The following NETO1 variants were observed in gnomAD, a reference collection of about 807,000 sequenced individuals.
NETO1 encodes neuropilin and tolloid like 1.
A neutral mutation model predicts 61.3 loss-of-function variants in NETO1; 26 were observed. That is an observed-to-expected ratio of 0.42 (90% CI 0.31 to 0.59). The LOEUF (loss-of-function observed/expected upper bound fraction) is 0.59, where lower values mean the gene tolerates loss of function less well. NETO1 is among the 20% of genes least tolerant of loss of function. The pLI is 0.12. For synonymous variants in NETO1, 225 were observed against 225.8 expected, an observed-to-expected ratio of 1.00 and a Z score of 0.03; for missense variants, 531 against 662.8, an observed-to-expected ratio of 0.80 and a Z score of 2.18.
intron 4 of NETO1, among the ~76,000 whole-genome samples, chr18:72,826,521 T>C (rs1451702753): frequency 7.2e-6 from 1 of 139,110 alleles, no homozygotes; most frequent in African/African-American, 2.7e-5. Context: ...GTGTTTTTCT[T>C]ATACCACTTT....
chr18:72,787,257 A>G (rs1443842204), intron 6 of NETO1, among the ~76,000 whole-genome samples: 1 of 151,582 alleles, frequency 6.6e-6, no homozygotes, highest in Non-Finnish European at 1.5e-5. Flanking sequence ...AGATGCAATT[A>G]TAATTGGAAG....
chr18:72,831,479 CT>C (rs1361076136), intron 4 of NETO1, among the ~76,000 whole-genome samples: 4 of 152,146 alleles, frequency 2.6e-5, no homozygotes, highest in African/African-American at 9.7e-5. Flanking sequence ...ATTTTAACAT[CT>C]CTGTAATTCT....
At chr18:72,816,621 T>C (rs1331356990) in intron 4 of NETO1, among the ~76,000 whole-genome samples, 1 of 152,136 alleles carries the variant, frequency 6.6e-6, no homozygotes, top group Non-Finnish European at 1.5e-5. Flanking sequence ...GCAAGGAGAA[T>C]TTCCTGCTGC....
chr18:72,859,183 G>T (rs975934502), intron 3 of NETO1, 109 bp from the exon 4 acceptor site: 4 of 1,043,706 alleles, frequency 3.8e-6, no homozygotes, highest in South Asian at 1.9e-5. Context: ...AAACTTTATG[G>T]ATGATATGCA....
At chr18:72,844,022 C>T (rs1568252237) in intron 4 of NETO1, among the ~76,000 whole-genome samples, 1 of 152,326 alleles carries the variant, frequency 6.6e-6, no homozygotes, top group South Asian at 2.1e-4. Context: ...GGTCACTATT[C>T]TCTGTTTCAG....
chr18:72,810,234 A>G (rs1428833284), intron 4 of NETO1, among the ~76,000 whole-genome samples: 8 of 152,138 alleles, frequency 5.3e-5, no homozygotes, highest in Non-Finnish European at 1.0e-4. Context: ...CTTTGTACTT[A>G]TTTTCCCAAT....
intron 3 of NETO1, among the ~76,000 whole-genome samples, chr18:72,861,413 C>T (rs2074569126): frequency 1.3e-5 from 2 of 151,954 alleles, no homozygotes; most frequent in South Asian, 2.1e-4. Flanking sequence ...CTATTTGAAG[C>T]TCTCTAACTC....
At chr18:72,804,194 C>G (rs1000208150) in intron 4 of NETO1, among the ~76,000 whole-genome samples, 7 of 151,984 alleles carry the variant, frequency 4.6e-5, no homozygotes, top group Non-Finnish European at 8.8e-5. Context: ...AGCCAATAAG[C>G]CAAGCATTTT....
chr18:72,807,142 A>AT (rs1479242200), intron 4 of NETO1, among the ~76,000 whole-genome samples: 3 of 152,192 alleles, frequency 2.0e-5, no homozygotes, highest in Admixed American at 6.5e-5. Context: ...TATAAAATTC[A>AT]TATCACCATG....
intron 7 of NETO1, among the ~76,000 whole-genome samples, chr18:72,775,848 A>G (rs1443299686): frequency 6.6e-6 from 1 of 151,758 alleles, no homozygotes; most frequent in African/African-American, 2.4e-5. Context: ...ACTTCAATGA[A>G]CCCTTTTTTT....
At position 72,750,369 on chromosome 18, in the gene NETO1, C is replaced by G; in HGVS notation, c.1234G>C (p.Asp412His). 6.2e-7 allele frequency: 1 copy of G among 1,614,116 alleles called. No individual in the cohort carries two copies. Among genetic ancestry groups the G allele is most frequent in the Non-Finnish European group, 8.5e-7 (1 of 1,180,024 alleles). The change falls in exon 9 of 11, where the codon GAT becomes CAT. Residue 412 changes from aspartate (D) to histidine (H), a missense_variant. Transcript: ENST00000327305. ...GATADFADVA[D>H]DFENYHKLRR... Reference sequence around the variant, plus strand: ...AGTTTATGGTAATTTTCAAAGTCATCTGCCACATCTGCAAAGTCAGCTGTA... The same window carrying G: ...AGTTTATGGTAATTTTCAAAGTCATGTGCCACATCTGCAAAGTCAGCTGTA...
At position 72,847,927 on chromosome 18, in the gene NETO1, A is replaced by C. The variant is rs116433184; in HGVS notation, c.469+10899T>G. On this transcript the variant is annotated intron_variant, in intron 4 of 10. Transcript: ENST00000327305. Reference sequence around the variant, plus strand: ...AGCTGTGTTCCTTACTACAGGCCCTAGGGGAGAATGTTTCCATTGCCTTTT... The same window carrying C: ...AGCTGTGTTCCTTACTACAGGCCCTCGGGGAGAATGTTTCCATTGCCTTTT... 8.2e-3 allele frequency among the ~76,000 whole-genome samples: 1,242 copies of C among 152,322 alleles called. 23 individuals are homozygous for C. Among genetic ancestry groups the C allele is most frequent in the African/African-American group, 0.029 (1,201 of 41,566 alleles).
At chr18:72,783,569 A>T in intron 7 of NETO1, 109 bp downstream of exon 7, 1 of 848,506 alleles carries the variant, frequency 1.2e-6, no homozygotes, top group Admixed American at 2.2e-5. Context: ...AACATATTAG[A>T]GAATAGCCTG....
chr18:72,773,663 A>G lies in NETO1; in HGVS notation c.868+10015T>C, dbSNP rs563319935. ...TTTATAGGCGTCTCACAATTATTCT[A>G]CTGGCATGCATTCTCTCTCCTGCTG... On this transcript the variant is annotated intron_variant, in intron 7 of 10. Transcript: ENST00000327305. Among the ~76,000 whole-genome samples, 141 of 152,154 alleles carry G rather than the reference A, an allele frequency of 9.3e-4. 2 individuals carry two copies. Among genetic ancestry groups the G allele is most frequent in the Admixed American group, 3.9e-3 (59 of 15,278 alleles).
chr18:72,852,750 G>A (rs1447024973), intron 4 of NETO1, among the ~76,000 whole-genome samples: 1 of 151,512 alleles, frequency 6.6e-6, no homozygotes, highest in Non-Finnish European at 1.5e-5. Flanking sequence ...GGACTGGCCA[G>A]AAAAGTGAGA....
chr18:72,767,228 A>T (rs2071196716), intron 7 of NETO1, among the ~76,000 whole-genome samples: 2 of 152,238 alleles, frequency 1.3e-5, no homozygotes, highest in African/African-American at 4.8e-5. Flanking sequence ...TCAATTAAAA[A>T]TAATAATTTT....
At chr18:72,837,484 G>A (rs769210559) in intron 4 of NETO1, among the ~76,000 whole-genome samples, 2 of 152,112 alleles carry the variant, frequency 1.3e-5, no homozygotes, top group Non-Finnish European at 2.9e-5. Context: ...TTCATAGGAC[G>A]AACTGCACAG....
At chr18:72,758,912 A>G (rs1475742271) in intron 7 of NETO1, among the ~76,000 whole-genome samples, 1 of 152,124 alleles carries the variant, frequency 6.6e-6, no homozygotes, top group Non-Finnish European at 1.5e-5. Context: ...TTTGGCAAAA[A>G]TAAATTTTGT....
chr18:72,804,788 G>A (rs998248283), intron 4 of NETO1, among the ~76,000 whole-genome samples: 6 of 152,170 alleles, frequency 3.9e-5, no homozygotes, highest in East Asian at 1.9e-4. Context: ...TATTTTCAAC[G>A]CACAGCTCGA....
Sources: gnomAD v4.1 joint callset for allele counts (sites outside exome capture counted in the v4.1 genomes callset) on GRCh38, gnomAD v4.1.1 for gene constraint, MANE v1.5 for transcripts, NCBI Gene and HGNC (gene_info 2026-07-23, HGNC 2026-07-21) for gene names.